The following SASH1 variants were observed in gnomAD, a reference collection of about 807,000 sequenced individuals.
SASH1 encodes SAM and SH3 domain containing 1.
SASH1 carries 44 observed loss-of-function variants against 125.2 expected under a neutral mutation model. The ratio of observed to expected loss-of-function variants is 0.35; its 90% CI spans 0.28 to 0.45. The LOEUF is 0.45. Among genes scored for constraint, SASH1 ranks in the 20% least tolerant of loss-of-function variants. SASH1 has a pLI of 1.00. For synonymous variants in SASH1, 639 were observed against 649.1 expected (o/e 0.98, Z 0.24); for missense variants, 1,426 against 1,614.5 (o/e 0.88, Z 2.00).
intron 4 of SASH1, among the ~76,000 whole-genome samples, chr6:148,457,029 CT>C (rs1185935549): frequency 6.8e-5 from 10 of 147,526 alleles, no homozygotes; most frequent in Non-Finnish European, 1.3e-4. Flanking sequence ...TTTTATTTTG[CT>C]TTTGATAATA....
the SASH1 span, among the ~76,000 whole-genome samples, chr6:148,208,784 T>C: frequency 6.6e-6 from 1 of 152,158 alleles, no homozygotes; most frequent in Non-Finnish European, 1.5e-5. Context: ...ATCTTTGACA[T>C]GGGAATAAAG....
the SASH1 span, among the ~76,000 whole-genome samples, chr6:148,218,498 T>C: frequency 6.6e-6 from 1 of 152,236 alleles, no homozygotes. Context: ...TCCTCTACTT[T>C]GTTGGTTCTA....
chr6:148,418,847 A>T (rs1042033169), intron 2 of SASH1, among the ~76,000 whole-genome samples: 3 of 151,652 alleles, frequency 2.0e-5, no homozygotes, highest in African/African-American at 7.3e-5. Flanking sequence ...AATACACCTT[A>T]ATCTCCAGAC....
chr6:148,478,913 T>A, intron 7 of SASH1: 1 of 179,760 alleles, frequency 5.6e-6, no homozygotes, highest in Non-Finnish European at 1.3e-5. Context: ...ATGCCATACA[T>A]TTGGGAAAAG....
chr6:148,369,920 C>T (rs895413757), intron 1 of SASH1, among the ~76,000 whole-genome samples: 1 of 140,576 alleles, frequency 7.1e-6, no homozygotes, highest in African/African-American at 2.6e-5. Context: ...TGCCACTGCA[C>T]TCCAGTCTGA....
At chr6:148,265,921 T>C in the SASH1 span, among the ~76,000 whole-genome samples, 3 of 152,070 alleles carry the variant, frequency 2.0e-5, no homozygotes, top group Admixed American at 6.6e-5. Flanking sequence ...ATATTAGAAG[T>C]GGTAATACAA....
rs1433525578 is a variant in SASH1 at position 148,497,369 on chromosome 6, TCAC to T, written c.729+9657_729+9659del. Among the ~76,000 whole-genome samples the T allele has an allele frequency of 2.0e-5, 3 of 152,196 alleles. No individual in the cohort carries two copies. The East Asian group carries it at 5.8e-4, about 29-fold the overall frequency. Reference sequence around the variant, plus strand: ...GCATGTATTTGTTGAGTCCCTAAGATCACCATGTTTCCACAAAGTTACACAAGA... The same window carrying T: ...GCATGTATTTGTTGAGTCCCTAAGATCATGTTTCCACAAAGTTACACAAGA... On this transcript the variant is annotated intron_variant, in intron 8 of 19. Transcript: ENST00000367467.
chr6:148,517,225 C>T (rs1173930619), intron 9 of SASH1, among the ~76,000 whole-genome samples: 1 of 152,128 alleles, frequency 6.6e-6, no homozygotes, highest in Non-Finnish European at 1.5e-5. Flanking sequence ...GATGAGGAAA[C>T]AGAGGCTCAG....
At chr6:148,413,330 TGTAGAAATGGAAATGA>T (rs1188225513) in intron 2 of SASH1, among the ~76,000 whole-genome samples, 3 of 151,934 alleles carry the variant, frequency 2.0e-5, no homozygotes, top group Admixed American at 6.6e-5. Flanking sequence ...AGACACTAAG[TGTAGAAATGGAAATGA>T]GGAAACGAAC....
intron 4 of SASH1, among the ~76,000 whole-genome samples, chr6:148,443,728 A>T (rs1298719267): frequency 3.3e-5 from 5 of 152,072 alleles, no homozygotes; most frequent in Non-Finnish European, 5.9e-5. Context: ...GCTTTTAAAG[A>T]TGTATCACCC....
chr6:148,483,071 A>G (rs1167230590), intron 7 of SASH1, among the ~76,000 whole-genome samples: 1 of 152,082 alleles, frequency 6.6e-6, no homozygotes, highest in African/African-American at 2.4e-5. Context: ...ATCTTAGTCT[A>G]TTTAGTGTTG....
intron 1 of SASH1, among the ~76,000 whole-genome samples, chr6:148,282,791 G>A (rs1309819974): frequency 6.6e-6 from 1 of 152,106 alleles, no homozygotes; most frequent in East Asian, 1.9e-4. Context: ...GGGGCTAGAG[G>A]CAGAATACAG....
intron 1 of SASH1, among the ~76,000 whole-genome samples, chr6:148,379,368 C>A (rs1783041246): frequency 6.6e-6 from 1 of 152,068 alleles, no homozygotes; most frequent in Non-Finnish European, 1.5e-5. Flanking sequence ...TTCTTCCTAC[C>A]CCCTTCCCTC....
chr6:148,546,432 G>A (rs1782576926), intron 19 of SASH1, among the ~76,000 whole-genome samples: 1 of 152,208 alleles, frequency 6.6e-6, no homozygotes, highest in Non-Finnish European at 1.5e-5. Context: ...TACTTGGGAG[G>A]CAGAAGCAGG....
At chr6:148,430,235 C>T (rs1001146775) in intron 2 of SASH1, among the ~76,000 whole-genome samples, 1 of 152,206 alleles carries the variant, frequency 6.6e-6, no homozygotes, top group African/African-American at 2.4e-5. Flanking sequence ...TAACTGTTCA[C>T]TAAGAGGGTT....
At chr6:148,518,823 G>T (rs1024436047) in intron 9 of SASH1, among the ~76,000 whole-genome samples, 6 of 152,184 alleles carry the variant, frequency 3.9e-5, no homozygotes, top group Non-Finnish European at 5.9e-5. Flanking sequence ...TCCAGTGAGG[G>T]CTTCAAGAGC....
At chr6:148,517,536 G>C (rs1046855806) in intron 9 of SASH1, among the ~76,000 whole-genome samples, 1 of 152,148 alleles carries the variant, frequency 6.6e-6, no homozygotes, top group African/African-American at 2.4e-5. Context: ...CCAAGTTCAA[G>C]CCATCCAGGT....
chr6:148,225,729 A>T, the SASH1 span, among the ~76,000 whole-genome samples: 5 of 152,224 alleles, frequency 3.3e-5, no homozygotes, highest in African/African-American at 4.8e-5. Context: ...GGAAATTTTT[A>T]AAATAAAATA....
intron 1 of SASH1, among the ~76,000 whole-genome samples, chr6:148,385,691 A>C (rs1783336957): frequency 6.6e-6 from 1 of 152,152 alleles, no homozygotes; most frequent in Non-Finnish European, 1.5e-5. Context: ...CTGCATAATG[A>C]AGCTTCCATA....
Sources: allele counts gnomAD v4.1 joint callset (sites outside exome capture counted in the v4.1 genomes callset), GRCh38; gene constraint gnomAD v4.1.1; transcripts MANE v1.5; gene names NCBI Gene and HGNC (gene_info 2026-07-23, HGNC 2026-07-21).